The following GRIK2 variants were observed in gnomAD, a reference collection of about 807,000 sequenced individuals.
GRIK2 encodes the protein glutamate ionotropic receptor kainate type subunit 2, also known as glutamate receptor ionotropic, kainate 2.
GRIK2 carries 32 observed loss-of-function variants against 100.3 expected under a neutral mutation model. The ratio of observed to expected loss-of-function variants is 0.32; its 90% CI spans 0.24 to 0.43. The LOEUF (loss-of-function observed/expected upper bound fraction) is 0.43. Ranked by LOEUF, GRIK2 falls within the 20% of genes least tolerant of loss-of-function variation. GRIK2 has a pLI of 1.00. For missense variants in GRIK2, 843 were observed against 1,114.9 expected (o/e 0.76, Z 3.47); for synonymous variants, 417 against 389.4 (o/e 1.07, Z -0.83).
chr6:101,495,765 G>A (rs930484531), intron 2 of GRIK2, among the ~76,000 whole-genome samples: 2 of 151,508 alleles, frequency 1.3e-5, no homozygotes, highest in Admixed American at 1.3e-4. Flanking sequence ...TTGGAGATGT[G>A]CATTTTACTT....
chr6:101,746,401 A>C (rs371167047), intron 7 of GRIK2, among the ~76,000 whole-genome samples: 55 of 152,244 alleles, frequency 3.6e-4, no homozygotes, highest in African/African-American at 1.3e-3. Flanking sequence ...ATCTCGGCTC[A>C]CTGCAACCTC....
rs891534530 is a variant in GRIK2, at chr6:101,999,755, C to T, written c.2086-35586C>T. On this transcript the variant is annotated intron_variant, in intron 14 of 16. Coordinates refer to ENST00000369134, the MANE Select transcript of GRIK2 (RefSeq NM_021956.5). ...AAGATGTATTTTCCTTTTTTCCTAT[C>T]AAAGGGGAAAACATTCATTTTTACA... 2.0e-5 allele frequency among the ~76,000 whole-genome samples: 3 copies of T among 151,926 alleles called. No individual in the cohort carries two copies. In the South Asian group the frequency reaches 6.2e-4, roughly 31 times the overall value.
intron 7 of GRIK2, among the ~76,000 whole-genome samples, chr6:101,735,561 G>T (rs1342836752): frequency 6.6e-6 from 1 of 152,156 alleles, no homozygotes; most frequent in Non-Finnish European, 1.5e-5. Flanking sequence ...GAGAGAGCTT[G>T]TGTAGGGAAA....
intron 7 of GRIK2, among the ~76,000 whole-genome samples, chr6:101,741,716 A>T (rs1411854425): frequency 1.3e-5 from 2 of 152,134 alleles, no homozygotes; most frequent in African/African-American, 4.8e-5. Context: ...CTTTAATCAG[A>T]TAAGGGATGT....
chr6:101,956,902 A>T (rs79024963), intron 14 of GRIK2, among the ~76,000 whole-genome samples: 1 of 150,706 alleles, frequency 6.6e-6, no homozygotes, highest in Non-Finnish European at 1.5e-5. Context: ...CAGTTGATGG[A>T]CACTTAGGTT....
intron 11 of GRIK2, 41 bp from the exon 12 acceptor site, chr6:101,889,599 T>G: frequency 9.3e-7 from 1 of 1,078,514 alleles, no homozygotes; most frequent in Non-Finnish European, 1.3e-6. Context: ...CTCTCTTTCT[T>G]TCTTTCTTTT....
At chr6:102,022,322 T>A (rs1769472067) in intron 14 of GRIK2, among the ~76,000 whole-genome samples, 1 of 151,680 alleles carries the variant, frequency 6.6e-6, no homozygotes, top group African/African-American at 2.4e-5. Flanking sequence ...TAGTTATTTC[T>A]TATTCTAAAA....
At chr6:101,737,015 G>T (rs1039358358) in intron 7 of GRIK2, among the ~76,000 whole-genome samples, 1 of 152,062 alleles carries the variant, frequency 6.6e-6, no homozygotes, top group Non-Finnish European at 1.5e-5. Context: ...GGGGCAAAAT[G>T]CCACCAGTCT....
chr6:101,506,844 A>G (rs914155235), intron 2 of GRIK2, among the ~76,000 whole-genome samples: 18 of 152,250 alleles, frequency 1.2e-4, no homozygotes, highest in African/African-American at 4.1e-4. Flanking sequence ...AGGGTTTTAT[A>G]TCAACTTAAC....
At chr6:101,718,141 A>T (rs1774198867) in intron 7 of GRIK2, among the ~76,000 whole-genome samples, 1 of 151,806 alleles carries the variant, frequency 6.6e-6, no homozygotes, top group Admixed American at 6.6e-5. Context: ...TTGAAAACTG[A>T]TGCTAATTGA....
At chr6:101,755,453 C>T (rs1049878824) in intron 7 of GRIK2, among the ~76,000 whole-genome samples, 31 of 152,080 alleles carry the variant, frequency 2.0e-4, no homozygotes, top group African/African-American at 7.2e-4. Flanking sequence ...AGGCATGAGC[C>T]ACCGTGCCCG....
chr6:101,912,081 G>T lies in GRIK2; in HGVS notation c.1749-12520G>T, dbSNP rs4310063. 9.7e-3 allele frequency among the ~76,000 whole-genome samples: 37 copies of T among 3,826 alleles called. 1 individual carries two copies. The South Asian group carries it at 0.22, about 22-fold the overall frequency. 2.5% of individuals were successfully genotyped at this position (3,826 alleles called of 152,430 possible). A position where few individuals can be genotyped will look rare whatever the true frequency, so the allele number is the denominator to read the frequency against. ...ACACACACACACACACACACACACA[G>T]ACACAAACACACACACACAAACACA... On this transcript the variant is annotated intron_variant, in intron 12 of 16. Transcript: ENST00000369134.
chr6:101,648,165 A>G (rs1171343855), intron 4 of GRIK2, among the ~76,000 whole-genome samples: 1 of 152,070 alleles, frequency 6.6e-6, no homozygotes, highest in African/African-American at 2.4e-5. Context: ...CAGTAAAGAT[A>G]TGCTGTAACT....
intron 4 of GRIK2, among the ~76,000 whole-genome samples, chr6:101,630,678 A>G (rs369432344): frequency 1.3e-5 from 2 of 152,072 alleles, no homozygotes; most frequent in African/African-American, 4.8e-5. Context: ...AGAATTCAGC[A>G]AAGAGAATTT....
chr6:102,045,665 CAATCAT>C (rs1275588732), intron 15 of GRIK2, among the ~76,000 whole-genome samples: 1 of 151,926 alleles, frequency 6.6e-6, no homozygotes, highest in Non-Finnish European at 1.5e-5. Context: ...TTTTAAAACA[CAATCAT>C]AATAAACAAC....
chr6:101,932,051 G>A (rs546282818), intron 14 of GRIK2, among the ~76,000 whole-genome samples: 1 of 152,140 alleles, frequency 6.6e-6, no homozygotes, highest in East Asian at 1.9e-4. Context: ...AAATCACTCA[G>A]CTATAGCCTG....
chr6:101,407,068 TTAAAG>T (rs1775633892), intron 2 of GRIK2, among the ~76,000 whole-genome samples: 1 of 152,114 alleles, frequency 6.6e-6, no homozygotes, highest in African/African-American at 2.4e-5. Context: ...AAAACAAATA[TTAAAG>T]TAATGTTCTG....
intron 2 of GRIK2, among the ~76,000 whole-genome samples, chr6:101,527,884 C>G (rs1440305276): frequency 6.6e-6 from 1 of 151,904 alleles, no homozygotes; most frequent in African/African-American, 2.4e-5. Flanking sequence ...TTTATTTTTC[C>G]TTGTAGACCA....
chr6:101,478,718 G>T (rs1772382045), intron 2 of GRIK2, among the ~76,000 whole-genome samples: 1 of 151,610 alleles, frequency 6.6e-6, no homozygotes, highest in Non-Finnish European at 1.5e-5. Context: ...TAAAGACGGG[G>T]TTTCACCGTG....
Sources: allele counts gnomAD v4.1 joint callset (sites outside exome capture counted in the v4.1 genomes callset), GRCh38; gene constraint gnomAD v4.1.1; transcripts MANE v1.5; gene names NCBI Gene and HGNC (gene_info 2026-07-23, HGNC 2026-07-21).